Variants in LTBP1 observed in about 807,000 individuals in gnomAD.
The protein encoded by LTBP1 is latent transforming growth factor beta binding protein 1.
LTBP1 carries 129 observed loss-of-function variants against 207.6 expected under a neutral mutation model. That is an observed-to-expected ratio of 0.62 (90% CI 0.54 to 0.72). LTBP1 has a LOEUF of 0.72. Among genes scored for constraint, LTBP1 ranks in the 30% least tolerant of loss-of-function variants. The pLI, the probability that LTBP1 is intolerant of heterozygous loss-of-function variation, is 0.00. For synonymous variants in LTBP1, 963 were observed against 833.7 expected (o/e 1.16, Z -2.67); for missense variants, 2,281 against 2,217.2 (o/e 1.03, Z -0.58).
chr2:33,065,927 T>A (rs1429594827), intron 3 of LTBP1, among the ~76,000 whole-genome samples: 2 of 152,212 alleles, frequency 1.3e-5, no homozygotes, highest in African/African-American at 4.8e-5. Context: ...TTTTTATCGG[T>A]CTGACAGATG....
Position 33,293,995 on chromosome 2 carries a change from CTTTTTTTTTTTT to C in LTBP1, c.3235+730_3235+741del, listed in dbSNP as rs71409607. 4.3e-3 allele frequency among the ~76,000 whole-genome samples: 208 copies of C among 48,838 alleles called. 2 individuals are homozygous for C. In the East Asian group the frequency reaches 0.091, roughly 21 times the overall value. 32.0% of individuals were successfully genotyped at this position (48,838 alleles called of 152,430 possible). On this transcript the variant is annotated intron_variant, in intron 20 of 33. Coordinates refer to ENST00000404816, the MANE Select transcript of LTBP1 (RefSeq NM_206943.4). ...ATTAGTGAACAAAACTGGTACAGGT[CTTTTTTTTTTTT>C]TTTTTTTTTTTTTTTTGAGCTGAAG... is the stretch of plus-strand genomic sequence containing the variant.
intron 4 of LTBP1, 124 bp downstream of exon 4, chr2:33,110,875 C>T (rs1248232681): frequency 2.0e-5 from 19 of 942,428 alleles, no homozygotes; most frequent in Non-Finnish European, 2.6e-5. Flanking sequence ...AAAAAATCCA[C>T]ATTGGTTCCT....
rs369628420 is a variant in LTBP1, at chr2:33,277,797, C to CTT, written c.2992+1875_2992+1876insTT. Among the ~76,000 whole-genome samples the CTT allele has an allele frequency of 2.0e-3, 161 of 80,304 alleles. 1 individual carries two copies. The highest frequency in any genetic ancestry group is 4.8e-3 in the African/African-American group (92 of 19,044). The allele number at this position is 80,304 out of a possible 152,430, so 52.7% of individuals were successfully genotyped here. On this transcript the variant is annotated intron_variant, in intron 18 of 33. Transcript: ENST00000404816. ...TCTTTCTTTCTTTCTTTCTTTCTTT[C>CTT]TCTCTCTCTTTCTTTTTTTCTTTCT...
chr2:33,021,069 G>C lies in LTBP1; in HGVS notation c.726G>C (p.Trp242Cys). The change falls in exon 3 of 34, where the codon TGG becomes TGC. Residue 242 changes from tryptophan to cysteine, a missense_variant. By Grantham distance (215) the Trp-to-Cys change is radical. This residue lies in a region of LTBP1 where 555 missense variants were observed against 491.0 expected (regional missense o/e 1.13). Transcript: ENST00000404816. ...GGQSPGAASS[W>C]GPPEQAAKHT... ...AGAGTCCTGGGGCTGCTTCCTCGTG[G>C]GGCCCTCCTGAGCAAGCAGCAAAGC... 1 of 1,614,050 alleles carries C rather than the reference G, an allele frequency of 6.2e-7. No homozygotes were observed.
chr2:33,297,206 C>T (rs751632030), intron 20 of LTBP1, among the ~76,000 whole-genome samples: 47 of 152,116 alleles, frequency 3.1e-4, no homozygotes, highest in Non-Finnish European at 6.2e-4. Context: ...TTGACCTCTA[C>T]TCCGATTCTA....
chr2:33,058,024 C>T (rs1418178783), intron 3 of LTBP1, among the ~76,000 whole-genome samples: 1 of 152,242 alleles, frequency 6.6e-6, no homozygotes, highest in East Asian at 1.9e-4. Context: ...CTGTGCTCTA[C>T]CTCATCATAA....
At chr2:33,247,565 A>C (rs2092552104) in intron 10 of LTBP1, among the ~76,000 whole-genome samples, 1 of 152,260 alleles carries the variant, frequency 6.6e-6, no homozygotes, top group Admixed American at 6.5e-5. Context: ...AGAGTTGAGA[A>C]GTTACAACAG....
intron 13 of LTBP1, among the ~76,000 whole-genome samples, chr2:33,262,340 A>G (rs1408813836): frequency 6.6e-6 from 1 of 152,242 alleles, no homozygotes; most frequent in Non-Finnish European, 1.5e-5. Flanking sequence ...TTAGTGGGGC[A>G]GAGCCACATG....
intron 2 of LTBP1, among the ~76,000 whole-genome samples, chr2:32,974,408 C>G (rs1314248099): frequency 6.6e-6 from 1 of 152,138 alleles, no homozygotes; most frequent in Non-Finnish European, 1.5e-5. Flanking sequence ...CTGTTCAAGT[C>G]TTTTGCCCAT....
intron 3 of LTBP1, among the ~76,000 whole-genome samples, chr2:33,039,613 A>G (rs2076088627): frequency 6.6e-6 from 1 of 152,232 alleles, no homozygotes; most frequent in African/African-American, 2.4e-5. Flanking sequence ...TTTTTGGCTG[A>G]CCAGTTCTAA....
chr2:33,181,117 G>A (rs1265680358), intron 5 of LTBP1, among the ~76,000 whole-genome samples: 1 of 152,184 alleles, frequency 6.6e-6, no homozygotes, highest in East Asian at 1.9e-4. Flanking sequence ...GCCAGGGAGC[G>A]GGTGGAGTGG....
intron 3 of LTBP1, among the ~76,000 whole-genome samples, chr2:33,088,066 G>C (rs1173897927): frequency 6.6e-6 from 1 of 152,188 alleles, no homozygotes; most frequent in Non-Finnish European, 1.5e-5. Context: ...AAAGCACCAG[G>C]CATGTCAAGT....
In LTBP1 at chr2:33,365,571, C is replaced by A. The variant is rs2094975320; in HGVS notation, c.4711+68C>A. Reference sequence around the variant, plus strand: ...CAAGTTCATCTCACCTCCTTTGTAGCCTGACATTTCTCTTCTGTATCTTTG... The same window carrying A: ...CAAGTTCATCTCACCTCCTTTGTAGACTGACATTTCTCTTCTGTATCTTTG... On this transcript the variant is annotated intron_variant, in intron 31 of 33. Transcript: ENST00000404816. 9 of 1,467,842 alleles carry A rather than the reference C, an allele frequency of 6.1e-6. No homozygotes were observed. In the South Asian group the frequency reaches 9.6e-5, roughly 16 times the overall value. 90.9% of individuals were successfully genotyped at this position (1,467,842 alleles called of 1,614,324 possible).
chr2:33,262,925 A>G, intron 14 of LTBP1, 104 bp downstream of exon 14: 1 of 689,028 alleles, frequency 1.5e-6, no homozygotes, highest in Non-Finnish European at 2.5e-6. Flanking sequence ...TAGACTTCAT[A>G]ACTGAAGTTC....
At chr2:33,316,933 G>A (rs1189747198) in intron 24 of LTBP1, among the ~76,000 whole-genome samples, 2 of 152,026 alleles carry the variant, frequency 1.3e-5, no homozygotes, top group Non-Finnish European at 2.9e-5. Context: ...ATGGTCTGTG[G>A]TATAACTACT....
At chr2:33,372,221 T>A (rs1378250404) in intron 31 of LTBP1, among the ~76,000 whole-genome samples, 1 of 152,232 alleles carries the variant, frequency 6.6e-6, no homozygotes, top group Non-Finnish European at 1.5e-5. Context: ...ATCTACGTTC[T>A]AACCTCTTCA....
intron 9 of LTBP1, among the ~76,000 whole-genome samples, chr2:33,224,411 T>C (rs1454796465): frequency 1.3e-5 from 2 of 152,214 alleles, no homozygotes; most frequent in East Asian, 1.9e-4. Flanking sequence ...AATATACATA[T>C]GTTCTCTTGG....
At chr2:33,204,055 G>A (rs1445859469) in intron 7 of LTBP1, among the ~76,000 whole-genome samples, 2 of 152,086 alleles carry the variant, frequency 1.3e-5, no homozygotes, top group African/African-American at 2.4e-5. Flanking sequence ...GAATCATCTG[G>A]TTTACTAAAA....
chr2:33,277,757 T>C (rs1387227801), intron 18 of LTBP1, among the ~76,000 whole-genome samples: 1 of 90,020 alleles, frequency 1.1e-5, no homozygotes, highest in Admixed American at 1.1e-4. Context: ...TGATTTTTTT[T>C]TCCCTTTCTT....
Sources: gnomAD v4.1 joint callset for allele counts (sites outside exome capture counted in the v4.1 genomes callset) on GRCh38, gnomAD v4.1.1 for gene constraint, gnomAD v4.1.1 regional missense constraint, MANE v1.5 for transcripts, NCBI Gene and HGNC (gene_info 2026-07-23, HGNC 2026-07-21) for gene names.